The following NPIPB2 variants were observed in gnomAD, a reference collection of about 807,000 sequenced individuals.
NPIPB2 encodes nuclear pore complex interacting protein family member B2.
NPIPB2 carries 27 observed loss-of-function variants against 30.8 expected under a neutral mutation model. The ratio of observed to expected loss-of-function variants is 0.88; its 90% CI spans 0.65 to 1.21. NPIPB2 has a LOEUF of 1.21. Ranked by LOEUF, NPIPB2 falls within the 50% of genes most tolerant of loss-of-function variation. NPIPB2 has a pLI of 0.00. For synonymous variants in NPIPB2, 147 were observed against 162.0 expected (o/e 0.91, Z 0.70); for missense variants, 440 against 446.2 (o/e 0.99, Z 0.13).
chr16:11,932,509 G>C (rs1262508594), intron 4 of NPIPB2, among the ~76,000 whole-genome samples: 1 of 151,872 alleles, frequency 6.6e-6, no homozygotes, highest in African/African-American at 2.4e-5. Context: ...TGGGAACGGT[G>C]GCTCATGCCT....
Position 11,930,320 on chromosome 16 carries a change from C to T in NPIPB2, c.590+130G>A, listed in dbSNP as rs982405170. On this transcript the variant is annotated intron_variant, in intron 5 of 7. Coordinates refer to ENST00000399147, the Ensembl canonical transcript of NPIPB2. ...TTTCTGTTTTGTGAACTCTCTCTCT[C>T]TCTCACGATATGTCTTCTGACCATT... 9.1e-6 allele frequency: 8 copies of T among 879,288 alleles called. No individual in the cohort carries two copies. In the African/African-American group the frequency reaches 1.5e-4, roughly 16 times the overall value. The allele number at this position is 879,288 out of a possible 1,614,324, so 54.5% of individuals were successfully genotyped here.
intron 4 of NPIPB2, among the ~76,000 whole-genome samples, chr16:11,933,127 G>T (rs1438897640): frequency 1.3e-5 from 2 of 151,878 alleles, no homozygotes; most frequent in Non-Finnish European, 2.9e-5. Context: ...TGGGCGTGGT[G>T]GTGGGCACCT....
At chr16:11,949,202 A>C (rs1416331042) in intron 1 of NPIPB2, among the ~76,000 whole-genome samples, 1 of 152,148 alleles carries the variant, frequency 6.6e-6, no homozygotes, top group Non-Finnish European at 1.5e-5. Context: ...GGCTTAGTAA[A>C]TGTCAGCCAC....
At chr16:11,936,594 AT>A (rs1016651935) in intron 2 of NPIPB2, among the ~76,000 whole-genome samples, 6 of 146,392 alleles carry the variant, frequency 4.1e-5, no homozygotes, top group African/African-American at 1.5e-4. Context: ...AGACAACCAC[AT>A]TTTTACTGTC....
intron 1 of NPIPB2, among the ~76,000 whole-genome samples, chr16:11,957,020 C>G (rs2055117731): frequency 6.6e-6 from 1 of 152,116 alleles, no homozygotes; most frequent in Admixed American, 6.6e-5. Context: ...GAGATGGAGT[C>G]TCACTCTGTC....
chr16:11,972,137 G>C (rs1291247517), intron 1 of NPIPB2, among the ~76,000 whole-genome samples: 1 of 151,700 alleles, frequency 6.6e-6, no homozygotes, highest in African/African-American at 2.4e-5. Flanking sequence ...GACAATGCGA[G>C]ACTCTGTCTC....
intron 1 of NPIPB2, chr16:11,965,001 G>C (rs2055182114): frequency 2.6e-6 from 1 of 390,620 alleles, no homozygotes; most frequent in South Asian, 3.7e-5. Flanking sequence ...GGGCTTGTCT[G>C]CATCTTGCAA....
chr16:11,974,385 G>A (rs1444785350), intron 1 of NPIPB2, among the ~76,000 whole-genome samples: 2 of 152,046 alleles, frequency 1.3e-5, no homozygotes, highest in African/African-American at 4.8e-5. Context: ...CAGGCATGGT[G>A]GCACACCTGT....
At chr16:11,966,141 T>C in intron 1 of NPIPB2, 1 of 1,495,730 alleles carries the variant, frequency 6.7e-7, no homozygotes, top group Non-Finnish European at 9.1e-7. Flanking sequence ...AACAATAAAG[T>C]ATGTGAATAT....
At chr16:11,952,076 G>A (rs1018606840) in intron 1 of NPIPB2, among the ~76,000 whole-genome samples, 4 of 150,806 alleles carry the variant, frequency 2.7e-5, no homozygotes, top group Non-Finnish European at 5.9e-5. Context: ...GGAGAATGGC[G>A]TGAACCCAGG....
chr16:11,963,212 T>C (rs765848863), intron 1 of NPIPB2, among the ~76,000 whole-genome samples: 1 of 152,016 alleles, frequency 6.6e-6, no homozygotes, highest in African/African-American at 2.4e-5. Context: ...AAACCCCGTC[T>C]CTACCAAAAA....
intron 1 of NPIPB2, among the ~76,000 whole-genome samples, chr16:11,976,288 C>A (rs1041842125): frequency 6.6e-6 from 1 of 152,204 alleles, no homozygotes; most frequent in African/African-American, 2.4e-5. Context: ...CTTGCAATTG[C>A]CCCTCCTTAT....
intron 1 of NPIPB2, among the ~76,000 whole-genome samples, chr16:11,971,449 G>A (rs1472371788): frequency 1.4e-5 from 2 of 145,816 alleles, no homozygotes; most frequent in African/African-American, 5.1e-5. Context: ...GAGTGGGGTG[G>A]TGGGGGGGTG....
At chr16:11,933,552 G>A (rs775857052) in exon 4 of NPIPB2, 2 of 1,596,998 alleles carry the variant, frequency 1.3e-6, no homozygotes, top group Admixed American at 1.7e-5. Flanking sequence ...CATTGATTTT[G>A]TCATGATGGT....
intron 1 of NPIPB2, among the ~76,000 whole-genome samples, chr16:11,950,445 T>C (rs1191484489): frequency 3.3e-5 from 5 of 152,174 alleles, no homozygotes; most frequent in Non-Finnish European, 7.4e-5. Flanking sequence ...GCTGAGGTTA[T>C]AGGCCTGAAC....
At chr16:11,951,666 A>ACACACACACACACACACACCCC (rs1226047972) in intron 1 of NPIPB2, among the ~76,000 whole-genome samples, 79 of 138,948 alleles carry the variant, frequency 5.7e-4, no homozygotes, top group South Asian at 1.5e-3. Context: ...ACACACACAC[A>ACACACACACACACACACACCCC]CCCAGCCCCC....
exon 3 of NPIPB2, chr16:11,933,842 T>C (rs755441606): frequency 1.9e-6 from 3 of 1,583,358 alleles, no homozygotes; most frequent in Admixed American, 3.3e-5. Context: ...TCTACGGCGG[T>C]TGGACCTCCT....
chr16:11,974,939 G>C (rs1304944902), intron 1 of NPIPB2, among the ~76,000 whole-genome samples: 1 of 151,322 alleles, frequency 6.6e-6, no homozygotes, highest in Non-Finnish European at 1.5e-5. Context: ...GCCGGGTATG[G>C]TGGCAGGAGC....
chr16:11,960,951 C>G (rs2055148895), intron 1 of NPIPB2, among the ~76,000 whole-genome samples: 1 of 151,862 alleles, frequency 6.6e-6, no homozygotes, highest in African/African-American at 2.4e-5. Context: ...ACTGCAACCT[C>G]TGCCTCCCAG....
Sources: gnomAD v4.1 joint callset for allele counts (sites outside exome capture counted in the v4.1 genomes callset) on GRCh38, gnomAD v4.1.1 for gene constraint, MANE v1.5 for transcripts, NCBI Gene and HGNC (gene_info 2026-07-23, HGNC 2026-07-21) for gene names.